The following TNS3 variants were observed in gnomAD, a reference collection of about 807,000 sequenced individuals.
TNS3 encodes the protein tensin 3, also known as tensin-3.
Under a neutral mutation model 140.9 loss-of-function variants are expected in TNS3, and 45 were observed. That is an observed-to-expected ratio of 0.32 (90% CI 0.25 to 0.41). The LOEUF is 0.41. Among genes scored for constraint, TNS3 ranks in the 10% least tolerant of loss-of-function variants. TNS3 has a pLI of 1.00. For synonymous variants in TNS3, 815 were observed against 788.4 expected (o/e 1.03, Z -0.56); for missense variants, 1,716 against 1,906.7 (o/e 0.90, Z 1.86).
At chr7:47,422,638 A>AAG (rs1554321822) in intron 10 of TNS3, among the ~76,000 whole-genome samples, 3 of 151,534 alleles carry the variant, frequency 2.0e-5, no homozygotes, top group Non-Finnish European at 4.4e-5. Context: ...AAAAGAAAAA[A>AAG]AAAATGAAGA....
At chr7:47,396,749 C>T in intron 16 of TNS3, 51 bp downstream of exon 16, 1 of 1,452,564 alleles carries the variant, frequency 6.9e-7, no homozygotes, top group Non-Finnish European at 9.7e-7. Flanking sequence ...AGTGGGCTGT[C>T]TTCCCTGTGC....
At chr7:47,343,960 G>T (rs909867511) in intron 20 of TNS3, among the ~76,000 whole-genome samples, 1 of 152,178 alleles carries the variant, frequency 6.6e-6, no homozygotes, top group African/African-American at 2.4e-5. Flanking sequence ...TCCTGGGTAA[G>T]GGGTAGATGA....
intron 1 of TNS3, among the ~76,000 whole-genome samples, chr7:47,556,230 G>C (rs1395880898): frequency 6.6e-6 from 1 of 152,198 alleles, no homozygotes; most frequent in Non-Finnish European, 1.5e-5. Flanking sequence ...AGAGGTTCTA[G>C]TAAACTGCAG....
At chr7:47,395,031 T>C (rs942702539) in intron 16 of TNS3, among the ~76,000 whole-genome samples, 4 of 152,338 alleles carry the variant, frequency 2.6e-5, no homozygotes, top group African/African-American at 7.2e-5. Context: ...TCTTACGGCA[T>C]TGGCACAGAG....
At chr7:47,489,935 C>T (rs1354785578) in intron 3 of TNS3, among the ~76,000 whole-genome samples, 1 of 152,208 alleles carries the variant, frequency 6.6e-6, no homozygotes, top group Non-Finnish European at 1.5e-5. Flanking sequence ...TCAGGGTCTA[C>T]AGACCCCTGA....
In TNS3 at chr7:47,530,838, A is replaced by AATATATATATATATATAT. The variant is rs1554350245; in HGVS notation, c.-264-1709_-264-1692dup. Among the ~76,000 whole-genome samples the AATATATATATATATATAT allele has an allele frequency of 4.9e-3, 267 of 54,374 alleles. 3 individuals are homozygous for AATATATATATATATATAT. Among genetic ancestry groups the AATATATATATATATATAT allele is most frequent in the African/African-American group, 9.5e-3 (120 of 12,568 alleles). 35.7% of individuals were successfully genotyped at this position (54,374 alleles called of 152,430 possible). On this transcript the variant is annotated intron_variant, in intron 1 of 30. Coordinates refer to ENST00000311160, the MANE Select transcript of TNS3 (RefSeq NM_022748.12). ...AACTCCATCTCAAAAAAAAAAAAAA[A>AATATATATATATATATAT]ATATATATATATATATATATTTCTA...
At chr7:47,552,532 A>G (rs1361749236) in intron 1 of TNS3, among the ~76,000 whole-genome samples, 1 of 152,078 alleles carries the variant, frequency 6.6e-6, no homozygotes, top group African/African-American at 2.4e-5. Flanking sequence ...CCATATTTCA[A>G]ACTTTTTCAT....
chr7:47,547,239 G>A lies in TNS3; in HGVS notation c.-264-18092C>T, dbSNP rs147268997. On this transcript the variant is annotated intron_variant, in intron 1 of 30. Transcript: ENST00000311160. ...AGGTAAGCAGAGGCTCAGGAGCAAA[G>A]GGTGGGAGTGGGGCGGAGGGCAAAG... Among the ~76,000 whole-genome samples, 840 of 152,286 alleles carry A rather than the reference G, an allele frequency of 5.5e-3. 11 individuals are homozygous for A. Among genetic ancestry groups the A allele is most frequent in the African/African-American group, 0.019 (788 of 41,550 alleles).
At chr7:47,332,847 C>G (rs937311991) in intron 20 of TNS3, among the ~76,000 whole-genome samples, 1 of 151,318 alleles carries the variant, frequency 6.6e-6, no homozygotes, top group Non-Finnish European at 1.5e-5. Flanking sequence ...ACATCTGTCA[C>G]CAAGCCCCAG....
chr7:47,411,607 C>T (rs546183985), intron 13 of TNS3, 120 bp downstream of exon 13: 14 of 1,050,308 alleles, frequency 1.3e-5, no homozygotes, highest in South Asian at 8.5e-5. Flanking sequence ...TTTCCTTCTT[C>T]CTACAGGGTA....
At chr7:47,353,388 C>T (rs1428696148) in intron 17 of TNS3, among the ~76,000 whole-genome samples, 1 of 152,198 alleles carries the variant, frequency 6.6e-6, no homozygotes, top group Admixed American at 6.5e-5. Context: ...AAAGGAGGCC[C>T]TAGCACTTGG....
intron 6 of TNS3, among the ~76,000 whole-genome samples, chr7:47,438,314 G>A (rs990839856): frequency 2.0e-5 from 3 of 152,004 alleles, no homozygotes; most frequent in Non-Finnish European, 4.4e-5. Context: ...GACAGGTGCT[G>A]GCCAGGGCTC....
At chr7:47,501,100 AGAGAAAGG>A (rs200510249) in intron 3 of TNS3, among the ~76,000 whole-genome samples, 4,061 of 149,248 alleles carry the variant, frequency 0.027, 162 homozygotes, top group African/African-American at 0.09. Context: ...AGAGAGAAAG[AGAGAAAGG>A]GAGAAAGGGA....
At chr7:47,330,820 G>A (rs879875320) in intron 20 of TNS3, among the ~76,000 whole-genome samples, 3 of 152,044 alleles carry the variant, frequency 2.0e-5, no homozygotes, top group Admixed American at 6.6e-5. Flanking sequence ...TAGGGGGCAC[G>A]TCCTTCCTGA....
rs548499861 is a variant in TNS3, at chr7:47,275,906, G to A, written c.*2170C>T. ...TCTCTGTGATTCCCTGGCAGGCTGC[G>A]TTTCTCAATACTGAGACCCTAGTTT... On this transcript the variant is annotated 3_prime_UTR_variant, in exon 31 of 31. Transcript: ENST00000311160. The A allele has an allele frequency of 1.8e-5, 8 of 455,646 alleles. No individual in the cohort carries two copies. The highest frequency in any genetic ancestry group is 4.7e-5 in the South Asian group (3 of 64,496). The allele number at this position is 455,646 out of a possible 1,614,324, so 28.2% of individuals were successfully genotyped here.
intron 27 of TNS3, among the ~76,000 whole-genome samples, chr7:47,286,763 T>A (rs904745404): frequency 6.6e-6 from 1 of 152,134 alleles, no homozygotes; most frequent in Non-Finnish European, 1.5e-5. Context: ...ACATGGTAAA[T>A]GAACATCCAT....
At chr7:47,330,187 C>G (rs573546415) in intron 20 of TNS3, among the ~76,000 whole-genome samples, 1 of 152,284 alleles carries the variant, frequency 6.6e-6, no homozygotes, top group South Asian at 2.1e-4. Flanking sequence ...GTTGACTCTG[C>G]TACAGCCAGG....
intron 16 of TNS3, among the ~76,000 whole-genome samples, chr7:47,389,345 T>C (rs950406615): frequency 1.3e-5 from 2 of 152,164 alleles, no homozygotes; most frequent in African/African-American, 2.4e-5. Context: ...CCAAGGTTTG[T>C]GTGCCGACTG....
At chr7:47,413,439 C>CGG (rs1431627975) in intron 12 of TNS3, among the ~76,000 whole-genome samples, 2 of 150,480 alleles carry the variant, frequency 1.3e-5, no homozygotes, top group Admixed American at 1.3e-4. Flanking sequence ...TTAGTAGAGA[C>CGG]GGGGTTTCAC....
Sources: allele counts gnomAD v4.1 joint callset (sites outside exome capture counted in the v4.1 genomes callset), GRCh38; gene constraint gnomAD v4.1.1; transcripts MANE v1.5; gene names NCBI Gene and HGNC (gene_info 2026-07-23, HGNC 2026-07-21).